Variants in LAMP3 observed in about 807,000 individuals in gnomAD.
The protein encoded by LAMP3 is lysosome-associated membrane glycoprotein 3.
Under a neutral mutation model 34.8 loss-of-function variants are expected in LAMP3, and 26 were observed. That is an observed-to-expected ratio of 0.75 (90% confidence interval 0.55 to 1.04). The LOEUF (loss-of-function observed/expected upper bound fraction) is 1.04. Ranked by LOEUF, LAMP3 falls within the 50% of genes least tolerant of loss-of-function variation. The pLI is 0.00. For missense variants in LAMP3, 495 were observed against 524.0 expected (o/e 0.94, Z 0.54); for synonymous variants, 180 against 201.9 (o/e 0.89, Z 0.92).
chr3:183,125,416 A>G (rs368425193), intron 5 of LAMP3, among the ~76,000 whole-genome samples: 1 of 152,210 alleles, frequency 6.6e-6, no homozygotes, highest in Non-Finnish European at 1.5e-5. Context: ...TGGACAAGAA[A>G]GAAACTGTGA....
chr3:183,122,884 T>C lies in LAMP3; in HGVS notation c.*1197A>G, dbSNP rs991158711. Reference sequence around the variant, plus strand: ...CATTGTTCTTGTAGGTAACTTGGTGTAGGGAGAAGACCAAAGACCTTGATG... The same window carrying C: ...CATTGTTCTTGTAGGTAACTTGGTGCAGGGAGAAGACCAAAGACCTTGATG... On this transcript the variant is annotated 3_prime_UTR_variant, in exon 6 of 6. Coordinates refer to ENST00000265598, the MANE Select transcript of LAMP3 (RefSeq NM_014398.4). 2 of 152,208 alleles carry C rather than the reference T, an allele frequency of 1.3e-5. No individual in the cohort carries two copies. Among genetic ancestry groups the C allele is most frequent in the Non-Finnish European group, 2.9e-5 (2 of 68,044 alleles). The allele number at this position is 152,208 out of a possible 1,614,324, so 9.4% of individuals were successfully genotyped here.
Position 183,153,677 on chromosome 3 carries a change from C to G in LAMP3, c.759+5G>C, listed in dbSNP as rs369243367. The G allele has an allele frequency of 5.9e-6, 9 of 1,512,684 alleles. No homozygotes were observed. The highest frequency in any genetic ancestry group is 1.4e-5 in the African/African-American group (1 of 71,552). The allele number at this position is 1,512,684 out of a possible 1,614,324, so 93.7% of individuals were successfully genotyped here. A position where few individuals can be genotyped will look rare whatever the true frequency, so the allele number is the denominator to read the frequency against. ...TAGTGTTATAGTCCTGTGGCCCCAA[C>G]TTACCGACTCCTTGTCTTGAACAAT... On this transcript the variant is annotated splice_donor_5th_base_variant and intron_variant, in intron 2 of 5. Transcript: ENST00000265598.
chr3:183,145,835 C>T (rs1030593427), intron 3 of LAMP3, among the ~76,000 whole-genome samples: 5 of 152,072 alleles, frequency 3.3e-5, no homozygotes, highest in East Asian at 1.9e-4. Context: ...CCAGCCTGGG[C>T]GACAAGAGCA....
chr3:183,153,701 A>G lies in LAMP3; in HGVS notation c.740T>C (p.Ile247Thr), dbSNP rs758328565. The G allele has an allele frequency of 6.6e-7, 1 of 1,517,966 alleles. No individual in the cohort carries two copies. Among genetic ancestry groups the G allele is most frequent in the Admixed American group, 2.3e-5 (1 of 44,218 alleles). The allele number at this position is 1,517,966 out of a possible 1,614,324, so 94.0% of individuals were successfully genotyped here. The change falls in exon 2 of 6, where the codon ATT becomes ACT. Residue 247 changes from isoleucine to threonine, a missense_variant. Transcript: ENST00000265598. ...CIKAEMGIQL[I>T]VQDKESVFSP... The stretch of plus-strand genomic sequence containing the variant: ...ACTTACCGACTCCTTGTCTTGAACA[A>G]TCAGCTGTATCCCCATCTCTGCTTT...
chr3:183,149,528 G>A (rs1204379684), intron 3 of LAMP3, among the ~76,000 whole-genome samples: 1 of 119,416 alleles, frequency 8.4e-6, no homozygotes, highest in Non-Finnish European at 1.6e-5. Flanking sequence ...CTGGGTGACA[G>A]AGCGAGACTC....
chr3:183,142,393 A>G (rs914222097), intron 3 of LAMP3, among the ~76,000 whole-genome samples: 2 of 152,128 alleles, frequency 1.3e-5, no homozygotes, highest in Non-Finnish European at 2.9e-5. Flanking sequence ...GCCTCTTGGA[A>G]TCTTCCCTTT....
intron 4 of LAMP3, among the ~76,000 whole-genome samples, chr3:183,138,792 C>T (rs1191978035): frequency 6.6e-6 from 1 of 152,190 alleles, no homozygotes. Flanking sequence ...ACTGGCTCTG[C>T]ATGCCCTGGC....
chr3:183,153,089 C>T (rs372943141), intron 2 of LAMP3, among the ~76,000 whole-genome samples: 8 of 148,294 alleles, frequency 5.4e-5, no homozygotes, highest in African/African-American at 1.7e-4. Context: ...GCAGGAGAAT[C>T]GCTTGAACCA....
intron 1 of LAMP3, chr3:183,161,933 A>G (rs1372490604): frequency 4.1e-6 from 4 of 984,802 alleles, no homozygotes; most frequent in East Asian, 2.3e-4. Flanking sequence ...CTTCCCTAAC[A>G]TTCCTAGCAT....
rs1366599714 is a variant in LAMP3 at position 183,124,133 on chromosome 3, C to G, written c.1199G>C (p.Gly400Ala). The change falls in exon 6 of 6, where the codon GGT (glycine) becomes GCT (alanine). Residue 400 changes from glycine to alanine, a missense_variant. By Grantham distance (60) the Gly-to-Ala change is moderately conservative. Coordinates refer to ENST00000265598, the MANE Select transcript of LAMP3 (RefSeq NM_014398.4). ...ACACCTTAGGCGGATTTTATAGACA[C>G]CCATACCCATAAGGCAGAGACCAAC... The part of the protein sequence containing the change: ...IVVGLCLMGM[G>A]VYKIRLRCQS... 6.2e-7 allele frequency: 1 copy of G among 1,613,774 alleles called. No homozygotes were observed. The highest frequency in any genetic ancestry group is 2.2e-5 in the East Asian group (1 of 44,848).
rs1051483910 is a variant in LAMP3 at position 183,135,591 on chromosome 3, G to A, written c.1117+126C>T. 3 of 916,852 alleles carry A rather than the reference G, an allele frequency of 3.3e-6. No individual in the cohort carries two copies. The African/African-American group carries it at 5.0e-5, about 15-fold the overall frequency. 56.8% of individuals were successfully genotyped at this position (916,852 alleles called of 1,614,324 possible). On this transcript the variant is annotated intron_variant, in intron 5 of 5. Transcript: ENST00000265598. Reference sequence around the variant, plus strand: ...GGAGCCTGGCCCTGTGAGCTATGTGGAATCACACCATCCCAGGAAGCTCAT... The same window carrying A: ...GGAGCCTGGCCCTGTGAGCTATGTGAAATCACACCATCCCAGGAAGCTCAT...
At chr3:183,157,267 G>A (rs1028173027) in intron 1 of LAMP3, among the ~76,000 whole-genome samples, 1 of 152,126 alleles carries the variant, frequency 6.6e-6, no homozygotes, top group African/African-American at 2.4e-5. Context: ...ATTTGGATAA[G>A]TTAAATGCAT....
At chr3:183,138,809 C>G (rs616035) in intron 4 of LAMP3, among the ~76,000 whole-genome samples, 94,422 of 152,020 alleles carry the variant, frequency 0.62, 31,121 homozygotes, top group Non-Finnish European at 0.74. Context: ...TGGCCTGGCT[C>G]TCTGTCCCTC....
intron 5 of LAMP3, among the ~76,000 whole-genome samples, chr3:183,128,173 C>T (rs1179879563): frequency 1.3e-5 from 2 of 149,934 alleles, no homozygotes; most frequent in African/African-American, 2.4e-5. Flanking sequence ...AGTGTTCTGA[C>T]GATTTAACAC....
At chr3:183,132,838 A>G (rs1355280404) in intron 5 of LAMP3, 1 of 985,292 alleles carries the variant, frequency 1.0e-6, no homozygotes, top group East Asian at 1.1e-4. Context: ...CATATCCTCT[A>G]CTGGGCCTCT....
intron 4 of LAMP3, among the ~76,000 whole-genome samples, chr3:183,138,228 T>C (rs565030615): frequency 3.1e-4 from 47 of 152,318 alleles, no homozygotes; most frequent in Middle Eastern, 3.4e-3. Context: ...ATTTATTCTC[T>C]ATCCTAAGTG....
At chr3:183,124,907 A>T (rs576042300) in intron 5 of LAMP3, among the ~76,000 whole-genome samples, 19 of 152,236 alleles carry the variant, frequency 1.2e-4, no homozygotes, top group Non-Finnish European at 1.6e-4. Flanking sequence ...CTTGAGAAAC[A>T]TGATTTTTAT....
chr3:183,123,823 A>C lies in LAMP3; in HGVS notation c.*258T>G. ...TTAATTCAACATATCTCAAATGTTG[A>C]CTTTGAGTGGCTAAAATATTCTAAA... is the stretch of plus-strand genomic sequence containing the variant. On this transcript the variant is annotated 3_prime_UTR_variant, in exon 6 of 6. Coordinates refer to ENST00000265598, the MANE Select transcript of LAMP3 (RefSeq NM_014398.4). The C allele has an allele frequency of 2.3e-6, 1 of 432,508 alleles. No individual in the cohort carries two copies. Among genetic ancestry groups the C allele is most frequent in the Admixed American group, 4.2e-5 (1 of 24,052 alleles). 26.8% of individuals were successfully genotyped at this position (432,508 alleles called of 1,614,324 possible).
intron 5 of LAMP3, among the ~76,000 whole-genome samples, chr3:183,130,217 G>A (rs1719875271): frequency 1.4e-5 from 2 of 145,334 alleles, no homozygotes; most frequent in African/African-American, 5.2e-5. Context: ...GGAGTACAGT[G>A]GTGCCATCTT....
Sources: gnomAD v4.1 joint callset for allele counts (sites outside exome capture counted in the v4.1 genomes callset) on GRCh38, gnomAD v4.1.1 for gene constraint, MANE v1.5 for transcripts, NCBI Gene and HGNC (gene_info 2026-07-23, HGNC 2026-07-21) for gene names.